The following SPSB1 variants were observed in gnomAD, a reference collection of about 807,000 sequenced individuals.
SPSB1 encodes SPRY domain-containing SOCS box protein 1.
A neutral mutation model predicts 21.2 loss-of-function variants in SPSB1; 8 were observed. The observed-to-expected ratio is 0.38, with a 90% CI of 0.22 to 0.68. SPSB1 has a LOEUF of 0.68. Among genes scored for constraint, SPSB1 ranks in the 30% least tolerant of loss-of-function variants. SPSB1 has a pLI of 0.53. For synonymous variants in SPSB1, 169 were observed against 161.7 expected (o/e 1.05, Z -0.34); for missense variants, 242 against 377.8 (o/e 0.64, Z 2.98).
intron 1 of SPSB1, among the ~76,000 whole-genome samples, chr1:9,340,621 G>A (rs568388756): frequency 6.6e-6 from 1 of 152,360 alleles, no homozygotes; most frequent in South Asian, 2.1e-4. Flanking sequence ...CTGTGGGGCT[G>A]GGGAGGGTCC....
intron 2 of SPSB1, among the ~76,000 whole-genome samples, chr1:9,361,037 T>G (rs1203958606): frequency 6.6e-6 from 1 of 152,146 alleles, no homozygotes; most frequent in Non-Finnish European, 1.5e-5. Context: ...GAGTTGGCTT[T>G]GCCTTCCAAT....
chr1:9,341,404 TC>T (rs1553127447), intron 1 of SPSB1, among the ~76,000 whole-genome samples: 1 of 152,128 alleles, frequency 6.6e-6, no homozygotes, highest in Non-Finnish European at 1.5e-5. Flanking sequence ...GTTGCCTGCC[TC>T]CCCCCACTAG....
intron 1 of SPSB1, among the ~76,000 whole-genome samples, chr1:9,299,813 A>G (rs1395802256): frequency 6.6e-6 from 1 of 151,000 alleles, no homozygotes; most frequent in East Asian, 1.9e-4. Flanking sequence ...TTTTTTTTAA[A>G]TTAGCCAGGC....
chr1:9,298,758 C>T (rs1174534943), intron 1 of SPSB1, among the ~76,000 whole-genome samples: 1 of 152,194 alleles, frequency 6.6e-6, no homozygotes, highest in Non-Finnish European at 1.5e-5. Context: ...CTCCTGGTGG[C>T]TCCCGTGGAT....
chr1:9,318,725 G>A (rs1041948597), intron 1 of SPSB1, among the ~76,000 whole-genome samples: 3 of 152,158 alleles, frequency 2.0e-5, no homozygotes, highest in African/African-American at 7.2e-5. Flanking sequence ...TCAGCAATTC[G>A]GGCAGCTCAC....
intron 1 of SPSB1, among the ~76,000 whole-genome samples, chr1:9,301,179 T>C (rs1224358777): frequency 1.3e-5 from 2 of 152,008 alleles, no homozygotes; most frequent in Non-Finnish European, 2.9e-5. Context: ...AAGAGTATGA[T>C]TGGAAGATTG....
intron 1 of SPSB1, among the ~76,000 whole-genome samples, chr1:9,295,466 G>C (rs936559777): frequency 6.6e-6 from 1 of 152,212 alleles, no homozygotes; most frequent in African/African-American, 2.4e-5. Context: ...CTTAGGAAGG[G>C]GTGGGCCTGC....
chr1:9,296,641 C>T (rs1639231363), intron 1 of SPSB1, among the ~76,000 whole-genome samples: 1 of 145,300 alleles, frequency 6.9e-6, no homozygotes, highest in Non-Finnish European at 1.5e-5. Context: ...CACACACACG[C>T]TGGATTATTT....
chr1:9,360,941 C>T (rs1431704380), intron 2 of SPSB1, among the ~76,000 whole-genome samples: 1 of 152,112 alleles, frequency 6.6e-6, no homozygotes, highest in Non-Finnish European at 1.5e-5. Flanking sequence ...AAGATGAGCC[C>T]GGAGCTCCAT....
In SPSB1 at chr1:9,292,984, C is replaced by T. The variant is rs1311667140; in HGVS notation, c.-237C>T. 26 of 983,188 alleles carry T rather than the reference C, an allele frequency of 2.6e-5. No homozygotes were observed. The highest frequency in any genetic ancestry group is 5.3e-5 in the African/African-American group (3 of 56,922). 60.9% of individuals were successfully genotyped at this position (983,188 alleles called of 1,614,324 possible). ...CGGGGCCGGGGCCGCGGGGAGGAGG[C>T]GACTTCGCTCCCTGCGGCGGGCGCG... On this transcript the variant is annotated 5_prime_UTR_variant, in exon 1 of 3. Transcript: ENST00000328089.
Position 9,355,858 on chromosome 1 carries a change from G to C in SPSB1, c.-34G>C. ...ACCACGAGATTGATGAGTTTGCCTT[G>C]GGAGTCGGTAAGAAGGTGAAGCCAG... On this transcript the variant is annotated 5_prime_UTR_variant, in exon 2 of 3. Transcript: ENST00000328089. 1 of 1,520,988 alleles carries C rather than the reference G, an allele frequency of 6.6e-7. No homozygotes were observed. Among genetic ancestry groups the C allele is most frequent in the Non-Finnish European group, 8.8e-7 (1 of 1,133,618 alleles). The allele number at this position is 1,520,988 out of a possible 1,614,324, so 94.2% of individuals were successfully genotyped here.
rs573795489 is a variant in SPSB1 at position 9,321,417 on chromosome 1, T to G, written c.-150+28346T>G. On this transcript the variant is annotated intron_variant, in intron 1 of 2. Coordinates refer to ENST00000328089, the MANE Select transcript of SPSB1 (RefSeq NM_025106.4). The surrounding 1 kb of genome is among the most constrained non-coding windows in gnomAD (Gnocchi z 4.8). ...TGGGAGAGAGCGGATCCTGTGTGAT[T>G]TTACGGAACTTGTCCTGACCCGTTA... Among the ~76,000 whole-genome samples the G allele has an allele frequency of 2.0e-4, 31 of 152,200 alleles. No homozygotes were observed. The highest frequency in any genetic ancestry group is 7.0e-4 in the African/African-American group (29 of 41,522).
chr1:9,308,361 GC>G (rs1639456049), intron 1 of SPSB1, among the ~76,000 whole-genome samples: 1 of 152,168 alleles, frequency 6.6e-6, no homozygotes, highest in Non-Finnish European at 1.5e-5. Flanking sequence ...CATACCCAGG[GC>G]CCCCGGAGCC....
chr1:9,312,989 T>G (rs1369538862), intron 1 of SPSB1, among the ~76,000 whole-genome samples: 1 of 152,230 alleles, frequency 6.6e-6, no homozygotes, highest in East Asian at 1.9e-4. Context: ...TACTGAGTGC[T>G]TGCTCTGTGC....
chr1:9,357,267 AGATG>A (rs149634344), intron 2 of SPSB1, among the ~76,000 whole-genome samples: 34,959 of 143,754 alleles, frequency 0.24, 4,737 homozygotes, highest in Non-Finnish European at 0.31. Flanking sequence ...ATGAGTGGGT[AGATG>A]GATGGATGGA....
intron 1 of SPSB1, among the ~76,000 whole-genome samples, chr1:9,331,329 T>G (rs1253864471): frequency 1.3e-3 from 176 of 140,390 alleles, no homozygotes; most frequent in African/African-American, 4.1e-3. Context: ...TTGTTTTTTT[T>G]TTTTTTTTTT....
In SPSB1 at chr1:9,368,729, G is replaced by A. The variant is rs1164241576; in HGVS notation, c.*1154G>A. 6.6e-6 allele frequency: 1 copy of A among 151,950 alleles called. No individual in the cohort carries two copies. The highest frequency in any genetic ancestry group is 2.4e-5 in the African/African-American group (1 of 41,328). 9.4% of individuals were successfully genotyped at this position (151,950 alleles called of 1,614,324 possible). On this transcript the variant is annotated 3_prime_UTR_variant, in exon 3 of 3. Transcript: ENST00000328089. ...GAAGCCGGGGGCAGGGTGGGATGGGGAAGACCAGGAGCAGAGTCGAGCCTC... is the reference window on the plus strand; with the variant it reads ...GAAGCCGGGGGCAGGGTGGGATGGGAAAGACCAGGAGCAGAGTCGAGCCTC...
chr1:9,337,867 A>G (rs930526516), intron 1 of SPSB1, among the ~76,000 whole-genome samples: 2 of 152,294 alleles, frequency 1.3e-5, no homozygotes, highest in East Asian at 3.9e-4. Context: ...CAGCATGGGG[A>G]AAAACAGACC....
chr1:9,319,843 T>G (rs961840079), intron 1 of SPSB1, among the ~76,000 whole-genome samples: 1 of 151,934 alleles, frequency 6.6e-6, no homozygotes. Context: ...CTGTGGCCAC[T>G]GGAGCTGCTG....
Sources: allele counts gnomAD v4.1 joint callset (sites outside exome capture counted in the v4.1 genomes callset), GRCh38; gene constraint gnomAD v4.1.1; non-coding constraint Gnocchi (gnomAD v3.1); transcripts MANE v1.5; gene names NCBI Gene and HGNC (gene_info 2026-07-23, HGNC 2026-07-21).